Variants in SLAIN2 observed in about 807,000 individuals in gnomAD.
SLAIN2 encodes the protein SLAIN motif-containing protein 2.
In SLAIN2, 31 loss-of-function variants were observed where a neutral mutation model predicts 56.6. That is an observed-to-expected ratio of 0.55 (90% CI 0.41 to 0.74). The LOEUF is 0.74. Among genes scored for constraint, SLAIN2 ranks in the 30% least tolerant of loss-of-function variants. The probability of loss-of-function intolerance (pLI) is 0.00; values close to 1 mark genes in which losing one functional copy is unlikely to be tolerated. For synonymous variants in SLAIN2, 317 were observed against 284.9 expected (o/e 1.11, Z -1.13); for missense variants, 777 against 754.2 (o/e 1.03, Z -0.35).
chr4:48,347,391 G>T (rs553106000), intron 1 of SLAIN2, among the ~76,000 whole-genome samples: 1 of 148,692 alleles, frequency 6.7e-6, no homozygotes, highest in East Asian at 2.0e-4. Flanking sequence ...GACCACAGGC[G>T]CGTGACACCA....
At chr4:48,374,260 G>A (rs1311817466) in intron 2 of SLAIN2, among the ~76,000 whole-genome samples, 3 of 151,992 alleles carry the variant, frequency 2.0e-5, no homozygotes, top group East Asian at 1.9e-4. Flanking sequence ...TTTTGGAGAC[G>A]GAGTCTTGCT....
chr4:48,401,308 G>T (rs1716548622), intron 6 of SLAIN2, among the ~76,000 whole-genome samples: 2 of 152,068 alleles, frequency 1.3e-5, no homozygotes, highest in Non-Finnish European at 2.9e-5. Flanking sequence ...ATTCAGAGCT[G>T]GGTTCAGGTC....
intron 6 of SLAIN2, chr4:48,394,632 C>A: frequency 6.5e-7 from 1 of 1,535,922 alleles, no homozygotes. Flanking sequence ...ACAGTTGCTT[C>A]AAACTTCATC....
chr4:48,414,550 A>ATTTT (rs36222817), intron 6 of SLAIN2, among the ~76,000 whole-genome samples: 2 of 136,952 alleles, frequency 1.5e-5, no homozygotes, highest in Admixed American at 7.3e-5. Context: ...TTGGTGTGGT[A>ATTTT]TTTTTTTTTT....
chr4:48,382,994 G>A (rs570915139), intron 5 of SLAIN2, 67 bp downstream of exon 5: 76 of 1,452,824 alleles, frequency 5.2e-5, no homozygotes, highest in African/African-American at 2.4e-4. Context: ...GCAAGACCCC[G>A]TCTCTAGGAA....
intron 6 of SLAIN2, among the ~76,000 whole-genome samples, chr4:48,407,031 A>G (rs1716716923): frequency 6.6e-6 from 1 of 152,102 alleles, no homozygotes; most frequent in Non-Finnish European, 1.5e-5. Context: ...ATTATAGAGT[A>G]GCAAACTTTG....
intron 1 of SLAIN2, among the ~76,000 whole-genome samples, chr4:48,367,638 G>C (rs2109751006): frequency 1.3e-5 from 2 of 151,758 alleles, no homozygotes; most frequent in African/African-American, 4.8e-5. Context: ...GGGGTGGGGG[G>C]GCAGTTGTGA....
intron 6 of SLAIN2, among the ~76,000 whole-genome samples, chr4:48,389,645 G>A (rs1716185449): frequency 1.3e-5 from 2 of 152,340 alleles, no homozygotes; most frequent in South Asian, 4.1e-4. Flanking sequence ...GAGCTTATAT[G>A]AGTTGCCCAA....
chr4:48,368,086 A>G (rs1715571326), intron 1 of SLAIN2, among the ~76,000 whole-genome samples: 1 of 89,166 alleles, frequency 1.1e-5, no homozygotes, highest in Admixed American at 1.7e-4. Context: ...TCTGTTGCCC[A>G]GGCTGGACTG....
intron 1 of SLAIN2, among the ~76,000 whole-genome samples, chr4:48,367,061 G>A (rs1036594108): frequency 6.6e-5 from 10 of 152,170 alleles, no homozygotes; most frequent in Admixed American, 1.3e-4. Context: ...ATTACAAATA[G>A]GTTTATTTGT....
At chr4:48,386,825 T>G (rs1427749977) in intron 6 of SLAIN2, among the ~76,000 whole-genome samples, 2 of 152,096 alleles carry the variant, frequency 1.3e-5, no homozygotes, top group African/African-American at 4.8e-5. Context: ...GCTTCTTTTT[T>G]CCCCTGACAC....
intron 7 of SLAIN2, 41 bp from the exon 8 acceptor site, chr4:48,421,970 G>A (rs370753867): frequency 5.6e-6 from 8 of 1,434,984 alleles, no homozygotes; most frequent in Non-Finnish European, 6.8e-6. Flanking sequence ...ATTTCATAAA[G>A]ACATTTATCA....
chr4:48,408,840 C>A (rs1465436134), intron 6 of SLAIN2, among the ~76,000 whole-genome samples: 1 of 152,048 alleles, frequency 6.6e-6, no homozygotes, highest in East Asian at 1.9e-4. Context: ...ACTTACCACT[C>A]ACTCAATTTC....
chr4:48,368,969 T>G (rs2109752044), intron 1 of SLAIN2, among the ~76,000 whole-genome samples: 1 of 152,352 alleles, frequency 6.6e-6, no homozygotes, highest in Non-Finnish European at 1.5e-5. Context: ...ACACTTCATG[T>G]TATTACACTA....
rs1032126273 is a variant in SLAIN2 at position 48,422,359 on chromosome 4, G to A, written c.*282G>A. The A allele has an allele frequency of 6.9e-6, 2 of 290,762 alleles. No homozygotes were observed. The highest frequency in any genetic ancestry group is 1.3e-5 in the Non-Finnish European group (2 of 155,612). The allele number at this position is 290,762 out of a possible 1,614,324, so 18.0% of individuals were successfully genotyped here. A position where few individuals can be genotyped will look rare whatever the true frequency, so the allele number is the denominator to read the frequency against. ...GATTTTTAAAAAATATTTGACAGAG[G>A]CCAATATCTGGGCAAATACCTAATG... On this transcript the variant is annotated 3_prime_UTR_variant, in exon 8 of 8. Transcript: ENST00000264313.
At chr4:48,406,711 A>G (rs1236141691) in intron 6 of SLAIN2, among the ~76,000 whole-genome samples, 4 of 152,072 alleles carry the variant, frequency 2.6e-5, no homozygotes, top group African/African-American at 9.7e-5. Flanking sequence ...TTATTCTGTA[A>G]TAGATTCCTT....
chr4:48,357,162 C>T (rs1469806959), intron 1 of SLAIN2, among the ~76,000 whole-genome samples: 3 of 151,208 alleles, frequency 2.0e-5, no homozygotes, highest in Admixed American at 2.0e-4. Flanking sequence ...TTTTAGTTAG[C>T]TGATGGGCCA....
At chr4:48,364,906 G>T (rs1410208843) in intron 1 of SLAIN2, among the ~76,000 whole-genome samples, 3 of 149,696 alleles carry the variant, frequency 2.0e-5, no homozygotes, top group South Asian at 4.3e-4. Flanking sequence ...GGGAGAGGGA[G>T]AGCTGGTTTT....
In SLAIN2 at chr4:48,341,873, G is replaced by A. The variant is rs1365420127; in HGVS notation, c.134G>A (p.Gly45Glu). 4 of 1,518,860 alleles carry A rather than the reference G, an allele frequency of 2.6e-6. No individual in the cohort carries two copies. Among genetic ancestry groups the A allele is most frequent in the Non-Finnish European group, 3.5e-6 (4 of 1,134,092 alleles). 94.1% of individuals were successfully genotyped at this position (1,518,860 alleles called of 1,614,324 possible). A position where few individuals can be genotyped will look rare whatever the true frequency, so the allele number is the denominator to read the frequency against. The change falls in exon 1 of 8, where the codon GGG (glycine) becomes GAG (glutamate). Residue 45 changes from glycine (G) to glutamate (E), a missense_variant. Transcript: ENST00000264313. ...GCCGTGCAGGGCGCCGGCTCCCTTG[G>A]GCCCGGCAGCCCGGTTCGGGCCGGC... ...SGAVQGAGSL[G>E]PGSPVRAGAS...
Sources: allele counts gnomAD v4.1 joint callset (sites outside exome capture counted in the v4.1 genomes callset), GRCh38; gene constraint gnomAD v4.1.1; transcripts MANE v1.5; gene names NCBI Gene and HGNC (gene_info 2026-07-23, HGNC 2026-07-21).